The following TRAK2 variants were observed in gnomAD, a reference collection of about 807,000 sequenced individuals.
TRAK2 encodes the protein trafficking kinesin-binding protein 2.
TRAK2 carries 81 observed loss-of-function variants against 104.6 expected under a neutral mutation model. The ratio of observed to expected loss-of-function variants is 0.77; its 90% confidence interval spans 0.65 to 0.93. The LOEUF is 0.93. Among genes scored for constraint, TRAK2 ranks in the 40% least tolerant of loss-of-function variants. The probability of loss-of-function intolerance (pLI) is 0.00; values close to 1 mark genes in which losing one functional copy is unlikely to be tolerated. For missense variants in TRAK2, 1,002 were observed against 1,089.0 expected (o/e 0.92, Z 1.12); for synonymous variants, 406 against 394.4 (o/e 1.03, Z -0.35).
intron 2 of TRAK2, chr2:201,412,484 T>C: frequency 8.7e-7 from 1 of 1,153,812 alleles, no homozygotes; most frequent in Non-Finnish European, 1.3e-6. Flanking sequence ...CTACTGAAAC[T>C]CTTATAAATG....
At chr2:201,428,926 A>C (rs1434216308) in intron 1 of TRAK2, among the ~76,000 whole-genome samples, 1 of 152,146 alleles carries the variant, frequency 6.6e-6, no homozygotes, top group East Asian at 1.9e-4. Flanking sequence ...TTCTCTTTGA[A>C]GCAATTGTGA....
chr2:201,451,292 C>T (rs541932951), intron 1 of TRAK2, 58 bp downstream of exon 1: 3 of 152,400 alleles, frequency 2.0e-5, no homozygotes, highest in Admixed American at 6.5e-5. Flanking sequence ...GAGGTCCCTC[C>T]GCTTTCCGGG....
chr2:201,425,827 C>CT (rs1226863164), intron 1 of TRAK2, among the ~76,000 whole-genome samples: 1 of 152,066 alleles, frequency 6.6e-6, no homozygotes, highest in Non-Finnish European at 1.5e-5. Flanking sequence ...ATCTCTCATA[C>CT]TGGTCCACAC....
At chr2:201,420,863 A>C (rs371522667) in intron 1 of TRAK2, among the ~76,000 whole-genome samples, 157 bp from the exon 2 acceptor site, 16 of 152,386 alleles carry the variant, frequency 1.0e-4, no homozygotes, top group African/African-American at 3.6e-4. Flanking sequence ...CAGACAAAAA[A>C]AGAGTACACA....
chr2:201,427,134 T>C (rs770444082), intron 1 of TRAK2, among the ~76,000 whole-genome samples: 8 of 152,146 alleles, frequency 5.3e-5, no homozygotes, highest in Non-Finnish European at 1.2e-4. Flanking sequence ...CCTGTCGGCT[T>C]CCCCCTTAGC....
At chr2:201,404,595 AG>A (rs2125648335) in intron 3 of TRAK2, among the ~76,000 whole-genome samples, 1 of 152,358 alleles carries the variant, frequency 6.6e-6, no homozygotes, top group South Asian at 2.1e-4. Flanking sequence ...CATTATTTTC[AG>A]GATGGGAAAC....
chr2:201,432,114 C>T (rs758432294), intron 1 of TRAK2, among the ~76,000 whole-genome samples: 7 of 152,190 alleles, frequency 4.6e-5, no homozygotes, highest in Non-Finnish European at 1.0e-4. Context: ...ATGTTGGGCA[C>T]AATCTACGGC....
rs1004014342 is a variant in TRAK2 at position 201,412,566 on chromosome 2, T to C, written c.92-4969A>G. ...CATACATAACAGTTCCTAAAGAATA[T>C]ATATCACTGACTGTTTCACAGCTCA... is the stretch of plus-strand genomic sequence containing the variant. On this transcript the variant is annotated intron_variant, in intron 2 of 15. Transcript: ENST00000332624. The C allele has an allele frequency of 5.2e-6, 7 of 1,335,490 alleles. No homozygotes were observed. In the East Asian group the frequency reaches 9.2e-5, roughly 18 times the overall value. The allele number at this position is 1,335,490 out of a possible 1,614,324, so 82.7% of individuals were successfully genotyped here.
chr2:201,425,743 TG>T lies in TRAK2; in HGVS notation c.-199-5038del, dbSNP rs765606694. On this transcript the variant is annotated intron_variant, in intron 1 of 15. Transcript: ENST00000332624. ...TTTTTTTTAAATAATGTTATATACT[TG>T]TTTGTGAAGAGAGAAAAAGAGAGAG... Among the ~76,000 whole-genome samples the T allele has an allele frequency of 7.6e-4, 115 of 151,956 alleles. 1 individual carries two copies. Among genetic ancestry groups the T allele is most frequent in the Admixed American group, 1.4e-3 (21 of 15,260 alleles).
intron 14 of TRAK2, among the ~76,000 whole-genome samples, chr2:201,384,871 T>C (rs988091713): frequency 6.6e-6 from 1 of 152,204 alleles, no homozygotes; most frequent in African/African-American, 2.4e-5. Flanking sequence ...GAAGGATGTA[T>C]TAAGCACTCT....
rs775451509 is a variant in TRAK2 at position 201,395,352 on chromosome 2, A to G, written c.862T>C (p.Leu288=). The G allele has an allele frequency of 6.2e-7, 1 of 1,605,874 alleles. No homozygotes were observed. Among genetic ancestry groups the G allele is most frequent in the Non-Finnish European group, 8.5e-7 (1 of 1,174,078 alleles). The change falls in exon 8 of 16, where the codon TTG becomes CTG. Residue 288 remains leucine (L), a synonymous_variant. Transcript: ENST00000332624. The part of the protein sequence containing the change: ...IRYQEELSSL[L]SQIVDLQHKL... Reference sequence around the variant, plus strand: ...TGCTGAAGGTCTACAATCTGTGACAAAAGAGAGGAAAGCTCTTCTTGGTAT... The same window carrying G: ...TGCTGAAGGTCTACAATCTGTGACAGAAGAGAGGAAAGCTCTTCTTGGTAT...
At chr2:201,429,114 C>A (rs1951818555) in intron 1 of TRAK2, among the ~76,000 whole-genome samples, 1 of 152,198 alleles carries the variant, frequency 6.6e-6, no homozygotes, top group African/African-American at 2.4e-5. Flanking sequence ...CATCTCCCAA[C>A]AGGGACAGTT....
chr2:201,384,231 T>C lies in TRAK2; in HGVS notation c.1964-15A>G. 1.3e-6 allele frequency: 2 copies of C among 1,592,962 alleles called. No homozygotes were observed. The highest frequency in any genetic ancestry group is 8.6e-7 in the Non-Finnish European group (1 of 1,162,470). On this transcript the variant is annotated splice_polypyrimidine_tract_variant and intron_variant, in intron 14 of 15. Coordinates refer to ENST00000332624, the MANE Select transcript of TRAK2 (RefSeq NM_015049.3). ...GGCGGTTGCAACTGAAATAGATTTT[T>C]AGGGAGCAAATACAAGATTGAAAGT...
At position 201,386,380 on chromosome 2, in the gene TRAK2, C is replaced by T. The variant is rs201907049; in HGVS notation, c.1801G>A (p.Gly601Arg). The T allele has an allele frequency of 1.9e-5, 31 of 1,614,044 alleles. No homozygotes were observed. The highest frequency in any genetic ancestry group is 1.3e-4 in the East Asian group (6 of 44,892). The change falls in exon 14 of 16, where the codon GGG (glycine) becomes AGG (arginine). Residue 601 changes from glycine (G) to arginine (R), a missense_variant. Coordinates refer to ENST00000332624, the MANE Select transcript of TRAK2 (RefSeq NM_015049.3). ...TCTGAGATGTGATAAATAGCATCCC[C>T]GGGCAACTGGGTAAAGCCTTTAGTA... ...VITKGFTQLP[G>R]DAIYHISDLE...
chr2:201,396,507 C>T (rs1276446699), intron 7 of TRAK2, among the ~76,000 whole-genome samples: 2 of 152,120 alleles, frequency 1.3e-5, no homozygotes, highest in Non-Finnish European at 2.9e-5. Flanking sequence ...TAGTACTGAA[C>T]TCTATACTGT....
intron 1 of TRAK2, among the ~76,000 whole-genome samples, chr2:201,443,717 T>G (rs1951943032): frequency 6.6e-6 from 1 of 151,982 alleles, no homozygotes; most frequent in Non-Finnish European, 1.5e-5. Flanking sequence ...ACTACCAATA[T>G]ATACCTCAAA....
At chr2:201,384,777 C>A (rs1951373465) in intron 14 of TRAK2, among the ~76,000 whole-genome samples, 1 of 152,104 alleles carries the variant, frequency 6.6e-6, no homozygotes, top group Admixed American at 6.5e-5. Context: ...TTAAGAATGT[C>A]CTTGAAGTAG....
chr2:201,396,679 A>G (rs7597850), intron 7 of TRAK2, among the ~76,000 whole-genome samples: 86,690 of 151,970 alleles, frequency 0.57, 26,006 homozygotes, highest in South Asian at 0.69. Context: ...GAACACAAGT[A>G]CTGCAATATT....
At chr2:201,412,544 A>G in intron 2 of TRAK2, 1 of 1,235,814 alleles carries the variant, frequency 8.1e-7, no homozygotes, top group Non-Finnish European at 1.2e-6. Context: ...AATACAGCAT[A>G]CATAACAGTT....
Sources: allele counts gnomAD v4.1 joint callset (sites outside exome capture counted in the v4.1 genomes callset), GRCh38; gene constraint gnomAD v4.1.1; transcripts MANE v1.5; gene names NCBI Gene and HGNC (gene_info 2026-07-23, HGNC 2026-07-21).